Variants in LIPC observed in about 807,000 individuals in gnomAD.
LIPC encodes lipase C, hepatic type, also known as hepatic triacylglycerol lipase.
A neutral mutation model predicts 50.7 loss-of-function variants in LIPC; 44 were observed. The observed-to-expected ratio is 0.87, with a 90% CI of 0.68 to 1.11. LIPC has a LOEUF of 1.11. LIPC is among the 50% of genes most tolerant of loss of function. LIPC has a pLI of 0.00. For synonymous variants in LIPC, 271 were observed against 256.4 expected (o/e 1.06, Z -0.54); for missense variants, 697 against 648.2 (o/e 1.08, Z -0.82).
At chr15:58,539,544 G>C (rs1203882339) in intron 2 of LIPC, among the ~76,000 whole-genome samples, 2 of 152,170 alleles carry the variant, frequency 1.3e-5, no homozygotes, top group African/African-American at 4.8e-5. Context: ...ATGATTTCAA[G>C]CATAGTTCAC....
At chr15:58,447,030 C>A (rs1196963929) in intron 1 of LIPC, among the ~76,000 whole-genome samples, 4 of 151,092 alleles carry the variant, frequency 2.6e-5, no homozygotes, top group African/African-American at 7.3e-5. Context: ...TGCCTGTAGT[C>A]CCAGCTACTT....
At chr15:58,472,270 CAAAAAAAAAA>C (rs35901617) in intron 1 of LIPC, among the ~76,000 whole-genome samples, 19 of 87,650 alleles carry the variant, frequency 2.2e-4, no homozygotes, top group Non-Finnish European at 2.7e-4. Context: ...CATTTGGTCT[CAAAAAAAAAA>C]AAAAAAAAAA....
intron 1 of LIPC, among the ~76,000 whole-genome samples, chr15:58,469,363 T>G (rs1203723237): frequency 6.6e-6 from 1 of 152,152 alleles, no homozygotes; most frequent in Non-Finnish European, 1.5e-5. Flanking sequence ...CTTGGCCCAC[T>G]TGGGTCTCAA....
At chr15:58,470,000 A>G (rs930884132) in intron 1 of LIPC, among the ~76,000 whole-genome samples, 4 of 147,074 alleles carry the variant, frequency 2.7e-5, no homozygotes, top group Admixed American at 6.9e-5. Flanking sequence ...TGGTGCAATC[A>G]TGCCTCACTG....
chr15:58,505,556 A>G (rs933700459), intron 1 of LIPC, among the ~76,000 whole-genome samples: 2 of 152,134 alleles, frequency 1.3e-5, no homozygotes, highest in East Asian at 3.9e-4. Context: ...ATGAAGATAG[A>G]CTGTTCAGAT....
chr15:58,493,626 TAAAA>T (rs1416611849), intron 1 of LIPC, among the ~76,000 whole-genome samples: 39 of 145,616 alleles, frequency 2.7e-4, no homozygotes, highest in African/African-American at 9.7e-4. Context: ...TACGTATAAA[TAAAA>T]TTTATACAAA....
intron 1 of LIPC, among the ~76,000 whole-genome samples, chr15:58,536,919 T>C (rs1310700074): frequency 2.0e-5 from 3 of 152,260 alleles, no homozygotes; most frequent in Non-Finnish European, 2.9e-5. Context: ...CATCATCTCT[T>C]GGTCCTGCTG....
intron 8 of LIPC, among the ~76,000 whole-genome samples, chr15:58,567,319 ATG>A (rs745783290): frequency 0.56 from 44,450 of 79,928 alleles, 10,072 homozygotes; most frequent in Non-Finnish European, 0.63. Flanking sequence ...ATATATGTAT[ATG>A]TGTATATATA....
intron 2 of LIPC, among the ~76,000 whole-genome samples, chr15:58,541,090 C>T (rs549474369): frequency 1.3e-5 from 2 of 152,226 alleles, no homozygotes; most frequent in East Asian, 1.9e-4. Flanking sequence ...CATGAGCCAC[C>T]GCGCCCAGCC....
chr15:58,502,271 T>A (rs1227816165), intron 1 of LIPC, among the ~76,000 whole-genome samples: 7 of 152,268 alleles, frequency 4.6e-5, no homozygotes, highest in African/African-American at 1.4e-4. Context: ...CTCAGCACTT[T>A]GGCTCTGCTC....
intron 1 of LIPC, among the ~76,000 whole-genome samples, chr15:58,487,008 T>C (rs1009737957): frequency 3.9e-5 from 6 of 152,170 alleles, no homozygotes; most frequent in Non-Finnish European, 7.4e-5. Context: ...CTCCTGCGTG[T>C]GTACCTCACA....
chr15:58,446,207 T>C (rs1893689918), intron 1 of LIPC, among the ~76,000 whole-genome samples: 1 of 152,144 alleles, frequency 6.6e-6, no homozygotes, highest in Admixed American at 6.5e-5. Context: ...CGCTAGTATT[T>C]CTTTCTTTTT....
intron 1 of LIPC, among the ~76,000 whole-genome samples, chr15:58,458,245 C>A (rs1449612015): frequency 1.3e-5 from 2 of 151,950 alleles, no homozygotes; most frequent in African/African-American, 2.4e-5. Context: ...ATGAGGTCAT[C>A]AGGAAGTGCT....
At chr15:58,552,436 A>C (rs895471046) in intron 6 of LIPC, among the ~76,000 whole-genome samples, 1 of 152,088 alleles carries the variant, frequency 6.6e-6, no homozygotes, top group South Asian at 2.1e-4. Context: ...GCGGCATTCC[A>C]GCTGCATGTC....
At chr15:58,557,471 A>G (rs992166646) in intron 6 of LIPC, among the ~76,000 whole-genome samples, 22 of 128,782 alleles carry the variant, frequency 1.7e-4, no homozygotes, top group Non-Finnish European at 2.8e-4. Context: ...TGTAAGCTCC[A>G]CCTCCTGGGT....
At chr15:58,554,637 G>A (rs1164928564) in intron 6 of LIPC, among the ~76,000 whole-genome samples, 4 of 151,100 alleles carry the variant, frequency 2.6e-5, no homozygotes, top group African/African-American at 9.8e-5. Context: ...GCTCACACCT[G>A]TAATCCTAAC....
intron 6 of LIPC, among the ~76,000 whole-genome samples, chr15:58,556,737 G>T (rs1034893058): frequency 1.3e-5 from 2 of 152,148 alleles, no homozygotes; most frequent in Non-Finnish European, 2.9e-5. Context: ...TTGGGACAAT[G>T]AACTGAGAAT....
intron 8 of LIPC, chr15:58,565,966 G>A: frequency 2.0e-6 from 2 of 983,364 alleles, no homozygotes; most frequent in Non-Finnish European, 2.4e-6. Flanking sequence ...TAAACTCCAG[G>A]ACCTAACCAG....
intron 6 of LIPC, among the ~76,000 whole-genome samples, chr15:58,560,645 A>G (rs1218496338): frequency 6.6e-5 from 1 of 15,138 alleles, no homozygotes; most frequent in Non-Finnish European, 5.1e-4. Context: ...TTATTACATT[A>G]CAAACACAAT....
Sources: allele counts gnomAD v4.1 joint callset (sites outside exome capture counted in the v4.1 genomes callset), GRCh38; gene constraint gnomAD v4.1.1; transcripts MANE v1.5; gene names NCBI Gene and HGNC (gene_info 2026-07-23, HGNC 2026-07-21).